GSTM2: variants seen among roughly 807,000 people sequenced by gnomAD.
GSTM2 encodes glutathione S-transferase mu 2, also known as GST class-mu 2.
Under a neutral mutation model 33.3 loss-of-function variants are expected in GSTM2, and 33 were observed. That is an observed-to-expected ratio of 0.99 (90% CI 0.75 to 1.33). The LOEUF (loss-of-function observed/expected upper bound fraction) is 1.33, where lower values mean the gene tolerates loss of function less well. Among genes scored for constraint, GSTM2 ranks in the 40% most tolerant of loss-of-function variants. The pLI is 0.00. For missense variants in GSTM2, 213 were observed against 265.8 expected, an observed-to-expected ratio of 0.80 and a Z score of 1.38; for synonymous variants, 93 against 95.6, an observed-to-expected ratio of 0.97 and a Z score of 0.16.
In GSTM2 at chr1:109,682,580, G is replaced by A. The variant is rs1647880001; in HGVS notation, c.567+10997G>A. Among the ~76,000 whole-genome samples the A allele has an allele frequency of 1.6e-5, 2 of 126,706 alleles. 1 individual carries two copies. Among genetic ancestry groups the A allele is most frequent in the Non-Finnish European group, 3.9e-5 (2 of 51,596 alleles). The allele number at this position is 126,706 out of a possible 152,430, so 83.1% of individuals were successfully genotyped here. On this transcript the variant is annotated intron_variant, in intron 7 of 7. Coordinates refer to the GSTM2 transcript ENST00000369831. The stretch of plus-strand genomic sequence containing the variant: ...ACATATAACAAGCAAATTGGTTAAA[G>A]TTTCAATATTTCTCTTAAGGTCACT...
intron 5 of GSTM2, chr1:109,669,971 G>T (rs555837011): frequency 5.9e-6 from 1 of 170,912 alleles, no homozygotes; most frequent in East Asian, 1.5e-4. Context: ...AGCTCATAAA[G>T]GTAGTTCAAA....
Position 109,668,500 on chromosome 1 carries a change from G to C in GSTM2, c.112G>C (p.Ala38Pro), listed in dbSNP as rs1254399030. The change falls in exon 2 of 8, where the codon GCT (alanine) becomes CCT (proline). Residue 38 changes from alanine to proline, a missense_variant and splice_region_variant. Physicochemically the swap from Ala to Pro is conservative, Grantham distance 27. Transcript: ENST00000241337. ...GGAAAAGAAGTACACGATGGGGGACGGTAATGGCACCCTCGAGTCTGGGCC... is the reference window on the plus strand; with the variant it reads ...GGAAAAGAAGTACACGATGGGGGACCGTAATGGCACCCTCGAGTCTGGGCC... ...YEEKKYTMGD[A>P]PDYDRSQWLN... is the part of the protein sequence containing the mutation. The C allele has an allele frequency of 1.9e-6, 3 of 1,613,958 alleles. No homozygotes were observed. The highest frequency in any genetic ancestry group is 2.5e-6 in the Non-Finnish European group (3 of 1,179,822).
In GSTM2 at chr1:109,671,573, C is replaced by T. The variant is rs767202519; in HGVS notation, c.557C>T (p.Ser186Phe). 1 of 1,586,444 alleles carries T rather than the reference C, an allele frequency of 6.3e-7. No individual in the cohort carries two copies. Among genetic ancestry groups the T allele is most frequent in the East Asian group, 2.2e-5 (1 of 44,754 alleles). Reference sequence around the variant, plus strand: ...TTCCCAAACCTGAAGGACTTCATCTCCCGATTTGAGGTGATGCCCCCAGCC... The same window carrying T: ...TTCCCAAACCTGAAGGACTTCATCTTCCGATTTGAGGTGATGCCCCCAGCC... Reference protein sequence around the residue: ...DAFPNLKDFISRFEGLEKISA... With the variant: ...DAFPNLKDFIFRFEGLEKISA... The change falls in exon 7 of 8, where the codon TCC (serine) becomes TTC (phenylalanine). Residue 186 changes from serine to phenylalanine, a missense_variant. By Grantham distance (155) the Ser-to-Phe change is radical (BLOSUM62 -2). Transcript: ENST00000241337.
intron 1 of GSTM2, 113 bp from the exon 2 acceptor site, chr1:109,668,312 T>G (rs4970770): frequency 4.7e-4 from 582 of 1,248,478 alleles, no homozygotes; most frequent in Admixed American, 6.2e-4. Context: ...GCGTGCGGGG[T>G]GGGGGCGGGT....
chr1:109,668,073 G>A lies in GSTM2; in HGVS notation c.-43G>A. On this transcript the variant is annotated 5_prime_UTR_variant, in exon 1 of 8. Transcript: ENST00000241337. ...GGGCCTCTCACAAACGCTGAGCCCC[G>A]CCCCGCTGAGGCCTGTCTGCAGAAT... 3 of 1,608,782 alleles carry A rather than the reference G, an allele frequency of 1.9e-6. No individual in the cohort carries two copies. The highest frequency in any genetic ancestry group is 1.7e-5 in the Admixed American group (1 of 60,014).
At chr1:109,671,196 G>T in intron 5 of GSTM2, 91 bp from the exon 6 acceptor site, 3 of 857,104 alleles carry the variant, frequency 3.5e-6, no homozygotes, top group Non-Finnish European at 6.0e-6. Context: ...CTGCTTGCCC[G>T]CGGCCAGCTG....
In GSTM2 at chr1:109,669,448, G is replaced by A. The variant is rs757466187; in HGVS notation, c.260-23G>A. ...GCTTGGCTGGGCTGTGAGGCTGAGA[G>A]TGAATCTGCTTTACGAGGGTAGGCG... On this transcript the variant is annotated intron_variant, in intron 4 of 7. Coordinates refer to ENST00000241337, the MANE Select transcript of GSTM2 (RefSeq NM_000848.4). The A allele has an allele frequency of 3.7e-6, 6 of 1,613,420 alleles. No homozygotes were observed. The African/African-American group carries it at 6.7e-5, about 18-fold the overall frequency.
rs79422437 is a variant in GSTM2 at position 109,668,712 on chromosome 1, C to T, written c.112+212C>T. The T allele has an allele frequency of 1.3e-3, 1,047 of 788,982 alleles. 10 individuals carry two copies. In the African/African-American group the frequency reaches 0.015, roughly 11 times the overall value. 48.9% of individuals were successfully genotyped at this position (788,982 alleles called of 1,614,324 possible). On this transcript the variant is annotated intron_variant, in intron 2 of 7. Transcript: ENST00000241337. Reference sequence around the variant, plus strand: ...CTGGGTAATTATGATGGGTGTCCCTCAGGGCTTGCCTAAACCCTGGAAGCC... The same window carrying T: ...CTGGGTAATTATGATGGGTGTCCCTTAGGGCTTGCCTAAACCCTGGAAGCC...
At chr1:109,676,119 C>T (rs896559467), downstream of GSTM2, among the ~76,000 whole-genome samples, 12 of 152,168 alleles carry the variant, frequency 7.9e-5, no homozygotes, top group Admixed American at 7.9e-4. Flanking sequence ...GGGGAAACTG[C>T]CCCCATGATG....
At chr1:109,678,068 A>T (rs1647748184), downstream of GSTM2, among the ~76,000 whole-genome samples, 1 of 152,158 alleles carries the variant, frequency 6.6e-6, no homozygotes, top group South Asian at 2.1e-4. Context: ...TTAGATTTTT[A>T]TTCATGCCTA....
chr1:109,671,844 A>G (rs866375929), intron 7 of GSTM2, among the ~76,000 whole-genome samples: 2 of 150,246 alleles, frequency 1.3e-5, no homozygotes, highest in Admixed American at 6.6e-5. Context: ...GGTGGCGAGC[A>G]CCTGTAATCC....
chr1:109,672,725 A>G (rs567832208), intron 7 of GSTM2, among the ~76,000 whole-genome samples: 1 of 152,272 alleles, frequency 6.6e-6, no homozygotes, highest in South Asian at 2.1e-4. Context: ...ACACCCAGAA[A>G]CTTTGTATGA....
chr1:109,682,643 C>T (rs1040314377), intron 7 of GSTM2, among the ~76,000 whole-genome samples: 1 of 128,508 alleles, frequency 7.8e-6, no homozygotes, highest in African/African-American at 2.5e-5. Flanking sequence ...TAACTTTGTG[C>T]CTGTTCTACT....
At chr1:109,669,248 C>T in intron 3 of GSTM2, 42 bp from the exon 4 acceptor site, 2 of 1,609,988 alleles carry the variant, frequency 1.2e-6, no homozygotes, top group Non-Finnish European at 1.7e-6. Context: ...GCTGGGGAGC[C>T]TGGTGGCCCA....
chr1:109,669,703 G>A (rs938334644), intron 5 of GSTM2, 132 bp downstream of exon 5: 1 of 633,046 alleles, frequency 1.6e-6, no homozygotes, highest in Non-Finnish European at 2.9e-6. Flanking sequence ...ATGAAGCCGC[G>A]GTCCTACACG....
At chr1:109,668,383 G>A (rs377331115) in intron 1 of GSTM2, 42 bp from the exon 2 acceptor site, 33 of 1,602,992 alleles carry the variant, frequency 2.1e-5, no homozygotes, top group African/African-American at 2.7e-5. Context: ...CAAAGTCAGG[G>A]ACCCTCCATC....
At chr1:109,677,718 T>TTCCAGATAAAGGTAC (rs1553234493), downstream of GSTM2, among the ~76,000 whole-genome samples, 3 of 152,184 alleles carry the variant, frequency 2.0e-5, no homozygotes, top group Non-Finnish European at 4.4e-5. Flanking sequence ...TGGGAGGTGA[T>TTCCAGATAAAGGTAC]TCCAGAAGAG....
intron 5 of GSTM2, chr1:109,670,339 C>T (rs1186609818): frequency 6.6e-6 from 1 of 152,174 alleles, no homozygotes; most frequent in African/African-American, 2.4e-5. Context: ...CCCAGAAGCC[C>T]AGCCAGCTTC....
At chr1:109,677,178 C>A (rs1022861559), downstream of GSTM2, among the ~76,000 whole-genome samples, 23 of 152,280 alleles carry the variant, frequency 1.5e-4, no homozygotes, top group African/African-American at 5.5e-4. Context: ...AAAGGACCGA[C>A]AATTGTTGGT....
Sources: allele counts gnomAD v4.1 joint callset (sites outside exome capture counted in the v4.1 genomes callset), GRCh38; gene constraint gnomAD v4.1.1; transcripts MANE v1.5; gene names NCBI Gene and HGNC (gene_info 2026-07-23, HGNC 2026-07-21).